RANBP2: variants seen among roughly 807,000 people sequenced by gnomAD.
The protein encoded by RANBP2 is E3 SUMO-protein ligase RanBP2.
RANBP2 carries 57 observed loss-of-function variants against 303.6 expected under a neutral mutation model. That is an observed-to-expected ratio of 0.19 (90% confidence interval 0.15 to 0.23). The LOEUF (loss-of-function observed/expected upper bound fraction) is 0.23, where lower values mean the gene tolerates loss of function less well. RANBP2 is among the 10% of genes least tolerant of loss of function. The probability of loss-of-function intolerance (pLI) is 1.00; values close to 1 mark genes in which losing one functional copy is unlikely to be tolerated. For synonymous variants in RANBP2, 1,167 were observed against 1,301.5 expected (o/e 0.90, Z 2.23); for missense variants, 3,138 against 3,780.8 (o/e 0.83, Z 4.46).
At chr2:109,546,478 T>C in the RANBP2 span, among the ~76,000 whole-genome samples, 1 of 152,342 alleles carries the variant, frequency 6.6e-6, no homozygotes, top group East Asian at 1.9e-4. Context: ...AAAACTATTT[T>C]TAAAACATTG....
chr2:109,190,166 C>G, the RANBP2 span, among the ~76,000 whole-genome samples: 4 of 152,062 alleles, frequency 2.6e-5, no homozygotes, highest in Non-Finnish European at 5.9e-5. Context: ...TTACAATCAC[C>G]TTGACATCCT....
At chr2:109,074,848 C>A in the RANBP2 span, among the ~76,000 whole-genome samples, 1 of 148,146 alleles carries the variant, frequency 6.8e-6, no homozygotes, top group Non-Finnish European at 1.5e-5. Context: ...TGGTGAAACC[C>A]CATCTCTACT....
the RANBP2 span, among the ~76,000 whole-genome samples, chr2:109,558,754 G>C: frequency 1.3e-5 from 2 of 152,100 alleles, no homozygotes; most frequent in Non-Finnish European, 2.9e-5. Context: ...GTCACATAAA[G>C]GTCACCCAAC....
chr2:108,830,812 TAAA>T, the RANBP2 span, among the ~76,000 whole-genome samples: 4 of 145,818 alleles, frequency 2.7e-5, no homozygotes, highest in African/African-American at 5.1e-5. Context: ...CCGTCTCAAA[TAAA>T]AAACAAAAAA....
the RANBP2 span, chr2:108,812,484 T>C: frequency 1.6e-6 from 1 of 608,224 alleles, no homozygotes; most frequent in Non-Finnish European, 2.9e-6. Context: ...ACAACTTCAG[T>C]TGTGATCTAA....
chr2:109,239,270 G>A, the RANBP2 span, among the ~76,000 whole-genome samples: 1 of 152,132 alleles, frequency 6.6e-6, no homozygotes, highest in African/African-American at 2.4e-5. Flanking sequence ...ACATGGATTT[G>A]TTTTCTTGGG....
the RANBP2 span, among the ~76,000 whole-genome samples, chr2:109,442,604 T>C: frequency 6.6e-6 from 1 of 152,074 alleles, no homozygotes; most frequent in East Asian, 1.9e-4. Flanking sequence ...GAAGTGGAAG[T>C]TTGGTATACT....
At chr2:109,266,298 ATGTGTTGTGTG>A in the RANBP2 span, among the ~76,000 whole-genome samples, 1 of 147,186 alleles carries the variant, frequency 6.8e-6, no homozygotes, top group Non-Finnish European at 1.5e-5. Flanking sequence ...TGTTGTGTGT[ATGTGTTGTGTG>A]TGTGTTGTAT....
the RANBP2 span, among the ~76,000 whole-genome samples, chr2:108,822,278 C>T: frequency 6.6e-6 from 1 of 151,480 alleles, no homozygotes; most frequent in Non-Finnish European, 1.5e-5. Flanking sequence ...ATATTTATGC[C>T]CTGAAACATC....
chr2:109,107,213 C>T, the RANBP2 span, among the ~76,000 whole-genome samples: 1 of 146,364 alleles, frequency 6.8e-6, no homozygotes, highest in African/African-American at 2.6e-5. Flanking sequence ...GCGTGAGCCA[C>T]CGCACCCAGC....
chr2:109,370,608 A>G, the RANBP2 span, among the ~76,000 whole-genome samples: 1 of 151,862 alleles, frequency 6.6e-6, no homozygotes, highest in Admixed American at 6.6e-5. Context: ...GTCACGTCCC[A>G]CTGTGAGTCC....
At chr2:109,447,872 G>A in the RANBP2 span, among the ~76,000 whole-genome samples, 12 of 152,352 alleles carry the variant, frequency 7.9e-5, no homozygotes, top group South Asian at 2.3e-3. Flanking sequence ...TGGCAGCAAG[G>A]TGGTGGATCC....
At chr2:109,571,055 G>A in the RANBP2 span, among the ~76,000 whole-genome samples, 3 of 152,018 alleles carry the variant, frequency 2.0e-5, no homozygotes, top group Admixed American at 1.3e-4. Context: ...GAGTTCTCAC[G>A]AGATCTGGTT....
At chr2:109,298,128 C>T in the RANBP2 span, among the ~76,000 whole-genome samples, 1 of 152,154 alleles carries the variant, frequency 6.6e-6, no homozygotes, top group African/African-American at 2.4e-5. Flanking sequence ...GTGAATAGGG[C>T]ATTGTGGCAG....
the RANBP2 span, among the ~76,000 whole-genome samples, chr2:108,915,664 C>T: frequency 6.6e-6 from 1 of 152,138 alleles, no homozygotes; most frequent in East Asian, 1.9e-4. Context: ...CTTTGGGAGG[C>T]CGAGGCGGGA....
the RANBP2 span, among the ~76,000 whole-genome samples, chr2:109,513,443 A>G: frequency 1.3e-4 from 20 of 151,862 alleles, 1 homozygote; most frequent in South Asian, 4.2e-3. Flanking sequence ...CACCACACAC[A>G]TCACACACGT....
chr2:109,713,737 A>G, the RANBP2 span, among the ~76,000 whole-genome samples: 1 of 152,200 alleles, frequency 6.6e-6, no homozygotes. Context: ...AAACTTCCTC[A>G]GGCCATTAAA....
In RANBP2 at chr2:108,780,448, T is replaced by A. The variant is rs116576801; in HGVS notation, c.8600-821T>A. Among the ~76,000 whole-genome samples, 649 of 148,250 alleles carry A rather than the reference T, an allele frequency of 4.4e-3. 4 individuals carry two copies. Among genetic ancestry groups the A allele is most frequent in the African/African-American group, 0.015 (619 of 40,080 alleles). On this transcript the variant is annotated intron_variant, in intron 25 of 28. Transcript: ENST00000283195. ...GGGGCGGTATCTGATCACTGCAACC[T>A]CTGCCTCTCAAGTTAAAGTGATTCT...
the RANBP2 span, among the ~76,000 whole-genome samples, chr2:109,148,776 G>T: frequency 6.6e-6 from 1 of 152,178 alleles, no homozygotes; most frequent in Non-Finnish European, 1.5e-5. Context: ...TGCTTGTTTA[G>T]CAGGACAGCT....
Sources: gnomAD v4.1 joint callset for allele counts (sites outside exome capture counted in the v4.1 genomes callset) on GRCh38, gnomAD v4.1.1 for gene constraint, MANE v1.5 for transcripts, NCBI Gene and HGNC (gene_info 2026-07-23, HGNC 2026-07-21) for gene names.